Variants in SNAPC3 observed in about 807,000 individuals in gnomAD.
SNAPC3 encodes snRNA-activating protein complex subunit 3.
A neutral mutation model predicts 47.7 loss-of-function variants in SNAPC3; 56 were observed. The ratio of observed to expected loss-of-function variants is 1.18; its 90% CI spans 0.95 to 1.47. The LOEUF (loss-of-function observed/expected upper bound fraction) is 1.47, where lower values mean the gene tolerates loss of function less well. Among genes scored for constraint, SNAPC3 ranks in the 40% most tolerant of loss-of-function variants. The pLI is 0.00. For missense variants in SNAPC3, 665 were observed against 511.3 expected (o/e 1.30, Z -2.90); for synonymous variants, 235 against 189.9 (o/e 1.24, Z -1.95).
At chr9:15,432,983 C>A (rs1021540704) in intron 2 of SNAPC3, among the ~76,000 whole-genome samples, 1 of 152,092 alleles carries the variant, frequency 6.6e-6, no homozygotes, top group East Asian at 1.9e-4. Context: ...CAGAAACAAG[C>A]TAAACATCAC....
intron 6 of SNAPC3, 48 bp from the exon 7 acceptor site, chr9:15,452,993 T>A (rs1401145990): frequency 6.7e-7 from 1 of 1,485,556 alleles, no homozygotes; most frequent in East Asian, 2.3e-5. Flanking sequence ...TCTGTAGTTT[T>A]TAAGTTTTTG....
chr9:15,453,977 G>A (rs901234384), intron 7 of SNAPC3, among the ~76,000 whole-genome samples: 6 of 152,082 alleles, frequency 3.9e-5, no homozygotes, highest in African/African-American at 9.7e-5. Context: ...AGTGGCTCAC[G>A]CCTATAATCC....
At chr9:15,427,021 A>G (rs1359199815) in intron 2 of SNAPC3, among the ~76,000 whole-genome samples, 1 of 142,280 alleles carries the variant, frequency 7.0e-6, no homozygotes, top group Non-Finnish European at 1.6e-5. Flanking sequence ...TCACATTATT[A>G]TATTATAAAA....
At chr9:15,447,790 A>AC (rs2131895683) in intron 5 of SNAPC3, among the ~76,000 whole-genome samples, 1 of 152,118 alleles carries the variant, frequency 6.6e-6, no homozygotes, top group Non-Finnish European at 1.5e-5. Flanking sequence ...CCCATTCTTC[A>AC]CCTTTCGCTG....
chr9:15,447,170 C>T lies in SNAPC3; in HGVS notation c.658C>T (p.Arg220Ter), dbSNP rs144242482. 7.4e-6 allele frequency: 12 copies of T among 1,613,522 alleles called. No individual in the cohort carries two copies. The highest frequency in any genetic ancestry group is 4.4e-5 in the South Asian group (4 of 91,082). Residue 220 changes from arginine to a stop codon, truncating the protein, a stop_gained, in exon 5 of 9, where the codon CGA (arginine) becomes TGA (stop). Transcript: ENST00000380821. LOFTEE classifies it high-confidence loss of function. ...QKLTQLRDSI[R>*]CVSDLQIGGE... is the part of the protein sequence containing the mutation. ...ACTCACACAACTGAGGGATTCAATT[C>T]GATGTGTCAGTGACCTCCAGATTGG...
intron 3 of SNAPC3, among the ~76,000 whole-genome samples, chr9:15,443,893 C>T (rs1485970510): frequency 6.6e-6 from 1 of 152,228 alleles, no homozygotes; most frequent in Non-Finnish European, 1.5e-5. Flanking sequence ...ATCAAACACT[C>T]CCCTGATTGT....
intron 2 of SNAPC3, among the ~76,000 whole-genome samples, chr9:15,432,403 C>T (rs778302369): frequency 1.3e-5 from 2 of 152,118 alleles, no homozygotes; most frequent in Non-Finnish European, 2.9e-5. Context: ...AGATACTGGT[C>T]TCTAAACACC....
At position 15,433,606 on chromosome 9, in the gene SNAPC3, C is replaced by A; in HGVS notation, c.447C>A (p.Ala149=). The change falls in exon 3 of 9, where the codon GCC becomes GCA. Residue 149 remains alanine, a synonymous_variant. Transcript: ENST00000380821. The part of the protein sequence containing the change: ...HREETITIDR[A]CRQETFVYEM... The stretch of plus-strand genomic sequence containing the variant: ...AAGAAACCATTACAATAGATCGAGC[C>A]TGCAGACAAGAAACATTCGTTTATG... 1 of 1,609,102 alleles carries A rather than the reference C, an allele frequency of 6.2e-7. No individual in the cohort carries two copies. Among genetic ancestry groups the A allele is most frequent in the Non-Finnish European group, 8.5e-7 (1 of 1,176,684 alleles).
chr9:15,423,188 G>C lies in SNAPC3; in HGVS notation c.309G>C (p.Val103=). The change falls in exon 1 of 9, where the codon GTG becomes GTC. Residue 103 remains valine (V), a synonymous_variant. Transcript: ENST00000380821. ...AGGCGGCGGCTGAGCTGAGGGCGGT[G>C]TGCGGGTGAGTGCGGAGCAAAGGGG... ...SLEAAAELRA[V]CGLDKLKCLE... 6.3e-7 allele frequency: 1 copy of C among 1,576,112 alleles called. No individual in the cohort carries two copies.
intron 7 of SNAPC3, among the ~76,000 whole-genome samples, chr9:15,455,629 CTGGCCTTGTAATAAACATAAGA>C (rs1178851505): frequency 2.6e-5 from 4 of 151,794 alleles, no homozygotes; most frequent in Non-Finnish European, 5.9e-5. Flanking sequence ...GGAAAATGTG[CTGGCCTTGTAATAAACATAAGA>C]TGGAAGGCAA....
intron 5 of SNAPC3, among the ~76,000 whole-genome samples, chr9:15,448,328 A>C (rs1011248070): frequency 6.6e-6 from 1 of 152,008 alleles, no homozygotes; most frequent in Admixed American, 6.6e-5. Context: ...TGCTGCCTTT[A>C]CACCTCATTC....
At position 15,423,129 on chromosome 9, in the gene SNAPC3, G is replaced by A; in HGVS notation, c.250G>A (p.Ala84Thr). The A allele has an allele frequency of 1.3e-6, 2 of 1,557,200 alleles. No homozygotes were observed. Residue 84 changes from alanine to threonine, a missense_variant, in exon 1 of 9, where the codon GCC (alanine) becomes ACC (threonine). Physicochemically the swap from Ala to Thr is moderately conservative, Grantham distance 58. Transcript: ENST00000380821. Reference sequence around the variant, plus strand: ...GGCAGCTGACTCCGACCGGGAGGATGCCGCGGTGGCCAGGGATCTGGACTG... The same window carrying A: ...GGCAGCTGACTCCGACCGGGAGGATACCGCGGTGGCCAGGGATCTGGACTG... ...SQAADSDREDAAVARDLDCSL... is the reference protein window; with the variant it reads ...SQAADSDREDTAVARDLDCSL...
At chr9:15,446,377 T>G (rs1164321777) in intron 4 of SNAPC3, among the ~76,000 whole-genome samples, 1 of 152,146 alleles carries the variant, frequency 6.6e-6, no homozygotes, top group Non-Finnish European at 1.5e-5. Context: ...CAGCTAACCT[T>G]TAAATTTTTT....
chr9:15,440,605 C>T (rs1406571844), intron 3 of SNAPC3, among the ~76,000 whole-genome samples: 1 of 152,246 alleles, frequency 6.6e-6, no homozygotes, highest in African/African-American at 2.4e-5. Context: ...GCAGAAGGAG[C>T]ACTTGATCCC....
At chr9:15,434,534 A>T (rs151128930) in intron 3 of SNAPC3, among the ~76,000 whole-genome samples, 1 of 151,580 alleles carries the variant, frequency 6.6e-6, no homozygotes, top group Non-Finnish European at 1.5e-5. Context: ...CAGCCTTTTA[A>T]GCAGCTGGGA....
At chr9:15,451,248 G>T in intron 5 of SNAPC3, 72 bp from the exon 6 acceptor site, 1 of 576,222 alleles carries the variant, frequency 1.7e-6, no homozygotes. Flanking sequence ...TATCTATTTT[G>T]AATTAATACT....
chr9:15,436,352 T>A (rs1291988935), intron 3 of SNAPC3, among the ~76,000 whole-genome samples: 12 of 152,360 alleles, frequency 7.9e-5, no homozygotes, highest in African/African-American at 2.6e-4. Context: ...TTTGAGTTGA[T>A]TTTTATATAT....
chr9:15,465,075 ACTT>A (rs2035522717), downstream of SNAPC3: 1 of 227,288 alleles, frequency 4.4e-6, no homozygotes, highest in Non-Finnish European at 8.7e-6. Context: ...AAAATGTGTA[ACTT>A]CTACAAAACC....
chr9:15,455,254 G>A (rs1587395229), intron 7 of SNAPC3, among the ~76,000 whole-genome samples: 2 of 152,218 alleles, frequency 1.3e-5, no homozygotes, highest in Admixed American at 1.3e-4. Flanking sequence ...GTACATTTAT[G>A]TCTTTGATGT....
Sources: gnomAD v4.1 joint callset for allele counts (sites outside exome capture counted in the v4.1 genomes callset) on GRCh38, gnomAD v4.1.1 for gene constraint, MANE v1.5 for transcripts, NCBI Gene and HGNC (gene_info 2026-07-23, HGNC 2026-07-21) for gene names.